LZTS2: variants seen among roughly 807,000 people sequenced by gnomAD.
LZTS2 encodes the protein leucine zipper putative tumor suppressor 2.
Under a neutral mutation model 60.6 loss-of-function variants are expected in LZTS2, and 32 were observed. That is an observed-to-expected ratio of 0.53 (90% CI 0.40 to 0.71). LZTS2 has a LOEUF of 0.71. Among genes scored for constraint, LZTS2 ranks in the 30% least tolerant of loss-of-function variants. The pLI, the probability that LZTS2 is intolerant of heterozygous loss-of-function variation, is 0.00. For synonymous variants in LZTS2, 360 were observed against 393.1 expected, an observed-to-expected ratio of 0.92 and a Z score of 1.00; for missense variants, 792 against 901.9, an observed-to-expected ratio of 0.88 and a Z score of 1.56.
At chr10:101,001,413 G>T (rs1022405894) in exon 1 of LZTS2, 1 of 152,210 alleles carries the variant, frequency 6.6e-6, no homozygotes, top group Admixed American at 6.5e-5. Flanking sequence ...TCATACACAC[G>T]TGTTCATTTT....
Position 101,004,133 on chromosome 10 carries a change from C to G in LZTS2, c.1035C>G (p.Asp345Glu), listed in dbSNP as rs566895394. 17 of 1,611,394 alleles carry G rather than the reference C, an allele frequency of 1.1e-5. No homozygotes were observed. Among genetic ancestry groups the G allele is most frequent in the Admixed American group, 1.0e-4 (6 of 59,946 alleles). Residue 345 changes from aspartate (D) to glutamate (E), a missense_variant, in exon 2 of 4, where the codon GAC (aspartate) becomes GAG (glutamate). By Grantham distance (45) the Asp-to-Glu change is conservative. Transcript: ENST00000370220. ...AGGCAGAGCTTCAGCAGCTGCGGGA[C>G]AGTCTGGACGAGAATGAGGCTACCA...
chr10:101,005,524 CA>C lies in LZTS2; in HGVS notation c.1136del (p.Gln379ArgfsTer75), dbSNP rs751587057. ...GGCCCTGCGAGAGGACTGTGCGGCC[CA>C]GGCACAGCGGGCACAGCGGGCCCAA... On this transcript the variant is annotated frameshift_variant, in exon 3 of 4. Coordinates refer to ENST00000370220, the Ensembl canonical transcript of LZTS2. LOFTEE classifies it high-confidence loss of function. 6.2e-7 allele frequency: 1 copy of C among 1,605,242 alleles called. No homozygotes were observed. Among genetic ancestry groups the C allele is most frequent in the Admixed American group, 1.7e-5 (1 of 59,952 alleles).
exon 2 of LZTS2, chr10:101,003,869 G>T (rs1852104842): frequency 6.2e-7 from 1 of 1,612,912 alleles, no homozygotes; most frequent in African/African-American, 1.3e-5. Context: ...GAGGGGCACT[G>T]CCTGGGCCAG....
intron 1 of LZTS2, 116 bp from the exon 3 acceptor site, chr10:101,003,391 G>T: frequency 9.0e-7 from 1 of 1,113,904 alleles, no homozygotes; most frequent in Non-Finnish European, 1.2e-6. Flanking sequence ...ACCAGTGGCC[G>T]CAATTGTTAT....
chr10:100,999,205 G>A (rs1851974277), upstream of LZTS2, among the ~76,000 whole-genome samples: 1 of 152,234 alleles, frequency 6.6e-6, no homozygotes, highest in Non-Finnish European at 1.5e-5. Flanking sequence ...AGGGCACCGT[G>A]CCGGGGAGTG....
chr10:101,004,678 G>A (rs1221461884), intron 2 of LZTS2, among the ~76,000 whole-genome samples: 1 of 152,124 alleles, frequency 6.6e-6, no homozygotes, highest in Non-Finnish European at 1.5e-5. Flanking sequence ...CCAAATACTA[G>A]TTTTTGGGCT....
chr10:101,005,088 C>T (rs983353409), intron 2 of LZTS2, among the ~76,000 whole-genome samples: 1 of 152,202 alleles, frequency 6.6e-6, no homozygotes, highest in African/African-American at 2.4e-5. Flanking sequence ...CCTGTAGCCT[C>T]AACCCCCTGG....
intron 2 of LZTS2, among the ~76,000 whole-genome samples, chr10:101,005,147 G>T (rs142582686): frequency 0.029 from 4,457 of 152,270 alleles, 106 homozygotes; most frequent in Non-Finnish European, 0.047. Context: ...GAGACTACAG[G>T]CGCATGCCAC....
intron 3 of LZTS2, 47 bp downstream of exon 4, chr10:101,005,762 ACCCTGG>A: frequency 6.8e-7 from 1 of 1,463,066 alleles, no homozygotes; most frequent in Admixed American, 2.5e-5. Flanking sequence ...ACAGGGAGAA[ACCCTGG>A]AAAAAGGGGC....
exon 4 of LZTS2, chr10:101,006,804 C>T (rs1382700846): frequency 6.5e-7 from 1 of 1,544,502 alleles, no homozygotes; most frequent in Non-Finnish European, 8.7e-7. Context: ...ACCGCTGACC[C>T]ATTCCTCCTG....
exon 3 of LZTS2, chr10:101,005,527 G>A (rs1170202455): frequency 3.7e-6 from 6 of 1,605,348 alleles, no homozygotes; most frequent in Non-Finnish European, 5.1e-6. Context: ...TGCGGCCCAG[G>A]CACAGCGGGC....
upstream of LZTS2, chr10:100,999,420 C>T (rs911741483): frequency 6.6e-6 from 1 of 152,384 alleles, no homozygotes; most frequent in African/African-American, 2.4e-5. Flanking sequence ...TCGCTTGGGA[C>T]TCTGAGGCTG....
exon 4 of LZTS2, chr10:101,006,663 G>T (rs1391160173): frequency 1.3e-6 from 2 of 1,588,664 alleles, no homozygotes; most frequent in Admixed American, 1.8e-5. Flanking sequence ...GCCCGAGCTC[G>T]GGAGCTGGAG....
upstream of LZTS2, chr10:100,997,296 C>A (rs1006650743): frequency 2.0e-5 from 3 of 152,140 alleles, no homozygotes; most frequent in Admixed American, 6.5e-5. Context: ...CGCTCCTGAA[C>A]GAACTTTCCG....
chr10:101,005,667 G>A (rs878950170), exon 3 of LZTS2: 1 of 1,604,830 alleles, frequency 6.2e-7, no homozygotes, highest in South Asian at 1.1e-5. Flanking sequence ...CCACCTTGGA[G>A]CGGGAGCAGC....
chr10:100,996,743 G>A (rs746983015), upstream of LZTS2: 1 of 152,462 alleles, frequency 6.6e-6, no homozygotes, highest in Non-Finnish European at 1.5e-5. Flanking sequence ...CTTCCCAGGG[G>A]TTGTCCCTGT....
chr10:101,003,377 C>T, intron 1 of LZTS2, 130 bp from the exon 3 acceptor site: 6 of 924,264 alleles, frequency 6.5e-6, no homozygotes, highest in Non-Finnish European at 9.4e-6. Flanking sequence ...TGGTGGCCAC[C>T]TCCACCAGTG....
chr10:101,005,759 G>A (rs1285879107), intron 3 of LZTS2, 44 bp downstream of exon 4: 2 of 1,465,656 alleles, frequency 1.4e-6, no homozygotes, highest in Admixed American at 5.0e-5. Flanking sequence ...CACACAGGGA[G>A]AAACCCTGGA....
chr10:101,004,217 C>A, intron 2 of LZTS2, 51 bp downstream of exon 3: 1 of 1,531,488 alleles, frequency 6.5e-7, no homozygotes, highest in Non-Finnish European at 8.8e-7. Context: ...CATCCCAAGG[C>A]CCTGGGATGC....
Sources: allele counts gnomAD v4.1 joint callset (sites outside exome capture counted in the v4.1 genomes callset), GRCh38; gene constraint gnomAD v4.1.1; transcripts MANE v1.5; gene names NCBI Gene and HGNC (gene_info 2026-07-23, HGNC 2026-07-21).